Variants in ARHGAP28 observed in about 807,000 individuals in gnomAD.
ARHGAP28 encodes the protein Rho GTPase activating protein 28.
A neutral mutation model predicts 90.7 loss-of-function variants in ARHGAP28; 56 were observed. The ratio of observed to expected loss-of-function variants is 0.62; its 90% CI spans 0.50 to 0.77. ARHGAP28 has a LOEUF of 0.77. Ranked by LOEUF, ARHGAP28 falls within the 30% of genes least tolerant of loss-of-function variation. The probability of loss-of-function intolerance (pLI) is 0.00; values close to 1 mark genes in which losing one functional copy is unlikely to be tolerated. For synonymous variants in ARHGAP28, 308 were observed against 323.3 expected, an observed-to-expected ratio of 0.95 and a Z score of 0.51; for missense variants, 869 against 900.9, an observed-to-expected ratio of 0.96 and a Z score of 0.45.
At chr18:6,757,900 AGATAAATGAGC>A (rs1427557904) in intron 1 of ARHGAP28, among the ~76,000 whole-genome samples, 6 of 152,198 alleles carry the variant, frequency 3.9e-5, no homozygotes, top group Non-Finnish European at 7.3e-5. Flanking sequence ...CTGCCCCAGA[AGATAAATGAGC>A]TCTGCCCTTA....
chr18:6,750,896 C>T (rs766351274), intron 1 of ARHGAP28, among the ~76,000 whole-genome samples: 14 of 152,248 alleles, frequency 9.2e-5, no homozygotes, highest in Non-Finnish European at 1.6e-4. Flanking sequence ...AGTACCTTTT[C>T]GTGTTTTCTT....
rs578254006 is a variant in ARHGAP28 at position 6,739,542 on chromosome 18, T to C, written c.122+9599T>C. Among the ~76,000 whole-genome samples the C allele has an allele frequency of 2.6e-5, 4 of 151,032 alleles. No homozygotes were observed. In the East Asian group the frequency reaches 7.8e-4, roughly 29 times the overall value. On this transcript the variant is annotated intron_variant, in intron 1 of 17. Transcript: ENST00000383472. Reference sequence around the variant, plus strand: ...TTAAGAATATATATATAAACATATATTCTTACCCTTCACATGGTCTGAAAT... The same window carrying C: ...TTAAGAATATATATATAAACATATACTCTTACCCTTCACATGGTCTGAAAT...
intron 1 of ARHGAP28, among the ~76,000 whole-genome samples, chr18:6,753,233 T>C (rs942607925): frequency 2.0e-5 from 3 of 152,232 alleles, no homozygotes; most frequent in African/African-American, 7.2e-5. Context: ...TCTGCTTATT[T>C]TCAGGACAAT....
At chr18:6,876,655 C>T (rs1285836357) in intron 10 of ARHGAP28, among the ~76,000 whole-genome samples, 1 of 152,154 alleles carries the variant, frequency 6.6e-6, no homozygotes, top group Non-Finnish European at 1.5e-5. Context: ...TTCCATCATT[C>T]GTTGGTTTAA....
chr18:6,746,015 T>C (rs1394313556), intron 1 of ARHGAP28, among the ~76,000 whole-genome samples: 4 of 152,248 alleles, frequency 2.6e-5, no homozygotes, highest in African/African-American at 9.6e-5. Context: ...CCAGCCAAGA[T>C]TGGGATGTAA....
At chr18:6,848,255 G>C (rs1276939510) in intron 3 of ARHGAP28, among the ~76,000 whole-genome samples, 3 of 152,166 alleles carry the variant, frequency 2.0e-5, no homozygotes, top group Non-Finnish European at 4.4e-5. Context: ...TGTCAGCCCT[G>C]CTATGGTACT....
intron 6 of ARHGAP28, among the ~76,000 whole-genome samples, chr18:6,870,025 G>T (rs993787066): frequency 6.6e-6 from 1 of 152,102 alleles, no homozygotes; most frequent in Non-Finnish European, 1.5e-5. Flanking sequence ...TACAAGATCA[G>T]GTAACCAATA....
Position 6,868,277 on chromosome 18 carries a change from G to A in ARHGAP28, c.811+43G>A, listed in dbSNP as rs376336677. 3.6e-5 allele frequency: 56 copies of A among 1,556,166 alleles called. No individual in the cohort carries two copies. The African/African-American group carries it at 5.7e-4, about 16-fold the overall frequency. ...TGTTGAACTTCAGCTGTGTCTTCTCGCTTTTGTTCTGGCACTCAATACAGT... is the reference window on the plus strand; with the variant it reads ...TGTTGAACTTCAGCTGTGTCTTCTCACTTTTGTTCTGGCACTCAATACAGT... On this transcript the variant is annotated intron_variant, in intron 6 of 17. Transcript: ENST00000383472.
intron 1 of ARHGAP28, among the ~76,000 whole-genome samples, chr18:6,753,999 C>T (rs2056090065): frequency 1.3e-5 from 2 of 152,172 alleles, no homozygotes; most frequent in African/African-American, 4.8e-5. Flanking sequence ...ATATATTATA[C>T]AATTGATTTC....
chr18:6,813,268 C>T (rs916998853), intron 1 of ARHGAP28, among the ~76,000 whole-genome samples: 1 of 152,192 alleles, frequency 6.6e-6, no homozygotes, highest in African/African-American at 2.4e-5. Context: ...TATGGGTAAA[C>T]TTAAAATGTC....
At chr18:6,782,638 C>T (rs1467557311) in intron 1 of ARHGAP28, among the ~76,000 whole-genome samples, 3 of 94,196 alleles carry the variant, frequency 3.2e-5, no homozygotes, top group East Asian at 3.5e-4. Flanking sequence ...TTAGTAGAGA[C>T]GGGGTTTCAC....
intron 6 of ARHGAP28, among the ~76,000 whole-genome samples, chr18:6,869,026 A>G (rs1378919847): frequency 6.6e-6 from 1 of 152,090 alleles, no homozygotes; most frequent in Non-Finnish European, 1.5e-5. Context: ...ATTCTACATC[A>G]TTCTATTTGT....
At chr18:6,894,355 A>G (rs1289468542) in intron 14 of ARHGAP28, among the ~76,000 whole-genome samples, 18 of 152,156 alleles carry the variant, frequency 1.2e-4, no homozygotes, top group Admixed American at 1.2e-3. Flanking sequence ...ACCTTCTGAG[A>G]TGCTCTATCT....
chr18:6,912,201 C>A lies in ARHGAP28; in HGVS notation c.*47C>A. ...ATCATGTATTATATGCCAAAAAGAT[C>A]CTACATTTTGGTAGGGAAAAAACAA... On this transcript the variant is annotated 3_prime_UTR_variant, in exon 18 of 18. Coordinates refer to ENST00000383472, the MANE Select transcript of ARHGAP28 (RefSeq NM_001366230.1). The A allele has an allele frequency of 1.7e-6, 2 of 1,161,114 alleles. No homozygotes were observed. Among genetic ancestry groups the A allele is most frequent in the South Asian group, 1.4e-5 (1 of 69,474 alleles). 71.9% of individuals were successfully genotyped at this position (1,161,114 alleles called of 1,614,324 possible). A position where few individuals can be genotyped will look rare whatever the true frequency, so the allele number is the denominator to read the frequency against.
rs890180170 is a variant in ARHGAP28, at chr18:6,913,782, A to G, written c.*1628A>G. Reference sequence around the variant, plus strand: ...CATTAAAAGAAAACGTGCCTTCTGTATAAGTTTATGTTTATTCCTACATTT... The same window carrying G: ...CATTAAAAGAAAACGTGCCTTCTGTGTAAGTTTATGTTTATTCCTACATTT... On this transcript the variant is annotated 3_prime_UTR_variant, in exon 18 of 18. Coordinates refer to ENST00000383472, the MANE Select transcript of ARHGAP28 (RefSeq NM_001366230.1). 2 of 151,478 alleles carry G rather than the reference A, an allele frequency of 1.3e-5. No homozygotes were observed. The highest frequency in any genetic ancestry group is 2.4e-5 in the African/African-American group (1 of 41,220). 9.4% of individuals were successfully genotyped at this position (151,478 alleles called of 1,614,324 possible).
chr18:6,818,513 A>AC (rs202013753), intron 1 of ARHGAP28, among the ~76,000 whole-genome samples: 35 of 151,874 alleles, frequency 2.3e-4, no homozygotes, highest in Non-Finnish European at 4.9e-4. Flanking sequence ...GGGAAAATAG[A>AC]CCCCCCCAAA....
intron 17 of ARHGAP28, among the ~76,000 whole-genome samples, chr18:6,909,838 G>A (rs2057386527): frequency 6.6e-6 from 1 of 152,032 alleles, no homozygotes; most frequent in Non-Finnish European, 1.5e-5. Context: ...CCCACTGAGG[G>A]CAGTGCCTCC....
intron 1 of ARHGAP28, among the ~76,000 whole-genome samples, chr18:6,751,943 T>A (rs960620885): frequency 1.3e-5 from 2 of 152,194 alleles, no homozygotes; most frequent in East Asian, 1.9e-4. Context: ...CTTCCGTTTT[T>A]GAAGCCTTGC....
chr18:6,786,567 T>C (rs2056366351), intron 1 of ARHGAP28, among the ~76,000 whole-genome samples: 1 of 152,158 alleles, frequency 6.6e-6, no homozygotes, highest in Non-Finnish European at 1.5e-5. Context: ...GCATGCCTTT[T>C]TGGGGTGCGC....
Sources: gnomAD v4.1 joint callset for allele counts (sites outside exome capture counted in the v4.1 genomes callset) on GRCh38, gnomAD v4.1.1 for gene constraint, MANE v1.5 for transcripts, NCBI Gene and HGNC (gene_info 2026-07-23, HGNC 2026-07-21) for gene names.